The following ERI1 variants were observed in gnomAD, a reference collection of about 807,000 sequenced individuals.
ERI1 encodes exoribonuclease 1.
Under a neutral mutation model 39.7 loss-of-function variants are expected in ERI1, and 39 were observed. The observed-to-expected ratio is 0.98, with a 90% confidence interval of 0.76 to 1.28. The LOEUF is 1.28. Among genes scored for constraint, ERI1 ranks in the 50% most tolerant of loss-of-function variants. ERI1 has a pLI of 0.00. For synonymous variants in ERI1, 204 were observed against 149.6 expected (o/e 1.36, Z -2.65); for missense variants, 581 against 416.9 (o/e 1.39, Z -3.43).
chr8:9,062,561 C>T (rs917980195), intron 3 of ERI1: 3 of 138,702 alleles, frequency 2.2e-5, no homozygotes, highest in South Asian at 2.6e-4. Context: ...GAAACAGGCC[C>T]TTGAAAAGAA....
chr8:9,092,580 G>A (rs1181382138), intron 3 of ERI1, among the ~76,000 whole-genome samples: 4 of 152,102 alleles, frequency 2.6e-5, no homozygotes, highest in African/African-American at 7.2e-5. Context: ...GTTTTCCTTC[G>A]GTCTTTCTCA....
chr8:9,096,965 G>T (rs1350227257), intron 3 of ERI1: 1 of 151,808 alleles, frequency 6.6e-6, no homozygotes, highest in Non-Finnish European at 1.5e-5. Context: ...CCTAAATATT[G>T]CCTTTATGAT....
chr8:9,011,329 T>A (rs928153909), intron 2 of ERI1, among the ~76,000 whole-genome samples: 1 of 152,186 alleles, frequency 6.6e-6, no homozygotes, highest in Admixed American at 6.5e-5. Context: ...AAAAGACTTG[T>A]GAAGGAAAAT....
At chr8:9,045,110 C>T (rs900649325) in intron 3 of ERI1, among the ~76,000 whole-genome samples, 6 of 151,654 alleles carry the variant, frequency 4.0e-5, no homozygotes, top group Admixed American at 1.3e-4. Context: ...GTGGCGGGCA[C>T]CTGTAGTCCC....
chr8:9,043,183 C>T (rs547093890), intron 3 of ERI1, among the ~76,000 whole-genome samples: 1 of 152,280 alleles, frequency 6.6e-6, no homozygotes, highest in Admixed American at 6.5e-5. Context: ...TGATGCAAAC[C>T]ATTTCTGACA....
Position 9,020,163 on chromosome 8 carries a change from CTTT to C in ERI1, c.693-186_693-184del, listed in dbSNP as rs1003524983. Among the ~76,000 whole-genome samples the C allele has an allele frequency of 3.9e-4, 60 of 152,136 alleles. 1 individual carries two copies. The Middle Eastern group carries it at 0.014, about 34-fold the overall frequency. On this transcript the variant is annotated intron_variant, in intron 5 of 6. Transcript: ENST00000250263. ...GAACAAAAGTTAATATATCCGACTT[CTTT>C]GTTTGGTTTTTAAAGCTTAATTTTG...
rs183792198 is a variant in ERI1 at position 9,067,783 on chromosome 8, C to A, written n.299+47319C>A. 2.3e-3 allele frequency among the ~76,000 whole-genome samples: 352 copies of A among 152,080 alleles called. 1 individual carries two copies. Among genetic ancestry groups the A allele is most frequent in the African/African-American group, 8.0e-3 (332 of 41,500 alleles). Reference sequence around the variant, plus strand: ...TATTAACTGAATGATTTCAAGATTACACAGCTAGTCTGAGCAGAACTGGGA... The same window carrying A: ...TATTAACTGAATGATTTCAAGATTAAACAGCTAGTCTGAGCAGAACTGGGA... On this transcript the variant is annotated intron_variant and non_coding_transcript_variant, in intron 3 of 3. Coordinates refer to the ERI1 transcript ENST00000518663.
intron 3 of ERI1, among the ~76,000 whole-genome samples, chr8:9,064,264 G>C (rs1414837026): frequency 6.6e-6 from 1 of 151,386 alleles, no homozygotes; most frequent in African/African-American, 2.4e-5. Flanking sequence ...TTGCCCCCCA[G>C]AAAAGCAGAG....
At chr8:9,052,688 T>C (rs576550768) in intron 3 of ERI1, among the ~76,000 whole-genome samples, 1 of 152,186 alleles carries the variant, frequency 6.6e-6, no homozygotes, top group African/African-American at 2.4e-5. Flanking sequence ...AGAAAACACA[T>C]TTCAGAACTA....
At chr8:9,064,451 C>G (rs978225575) in intron 3 of ERI1, among the ~76,000 whole-genome samples, 12 of 152,138 alleles carry the variant, frequency 7.9e-5, no homozygotes, top group African/African-American at 2.9e-4. Flanking sequence ...GGGAAGGCTG[C>G]CTTCCCTAGT....
chr8:9,075,423 C>G (rs965885583), intron 3 of ERI1, among the ~76,000 whole-genome samples: 5 of 151,288 alleles, frequency 3.3e-5, no homozygotes, highest in Admixed American at 1.3e-4. Flanking sequence ...AAGAACACAG[C>G]TAAAGACATT....
At chr8:9,049,164 C>T (rs1219613037) in intron 3 of ERI1, among the ~76,000 whole-genome samples, 2 of 151,090 alleles carry the variant, frequency 1.3e-5, no homozygotes, top group African/African-American at 4.9e-5. Context: ...GGTGAAACCC[C>T]GTCTCTACTA....
In ERI1 at chr8:9,032,949, T is replaced by A. The variant is rs1411215054; in HGVS notation, c.*2915T>A. On this transcript the variant is annotated 3_prime_UTR_variant, in exon 7 of 7. Transcript: ENST00000250263. ...TAAGCTACCATGGAGAAGTATATGCTCCTCGAGACCAGAGACTGTGACTTC... is the reference window on the plus strand; with the variant it reads ...TAAGCTACCATGGAGAAGTATATGCACCTCGAGACCAGAGACTGTGACTTC... 1.3e-5 allele frequency: 2 copies of A among 152,232 alleles called. No individual in the cohort carries two copies. Among genetic ancestry groups the A allele is most frequent in the African/African-American group, 4.8e-5 (2 of 41,464 alleles). 9.4% of individuals were successfully genotyped at this position (152,232 alleles called of 1,614,324 possible). A position where few individuals can be genotyped will look rare whatever the true frequency, so the allele number is the denominator to read the frequency against.
At chr8:9,098,988 C>T (rs1465100018) in intron 3 of ERI1, among the ~76,000 whole-genome samples, 4 of 152,036 alleles carry the variant, frequency 2.6e-5, no homozygotes, top group Non-Finnish European at 4.4e-5. Flanking sequence ...CGCCCCCCCA[C>T]CACATCCGGC....
At chr8:9,075,819 T>C (rs969250269) in intron 3 of ERI1, among the ~76,000 whole-genome samples, 1 of 152,228 alleles carries the variant, frequency 6.6e-6, no homozygotes, top group African/African-American at 2.4e-5. Context: ...TATTATTTTT[T>C]ATAGAGACAA....
intron 6 of ERI1, among the ~76,000 whole-genome samples, chr8:9,026,452 A>G (rs1382940681): frequency 3.3e-5 from 5 of 152,124 alleles, no homozygotes; most frequent in African/African-American, 7.2e-5. Flanking sequence ...TGACTTATCT[A>G]TATACCTCTT....
chr8:9,039,981 C>T (rs537336278), intron 3 of ERI1, among the ~76,000 whole-genome samples: 2 of 152,192 alleles, frequency 1.3e-5, no homozygotes, highest in South Asian at 2.1e-4. Context: ...ATTCCAAGTA[C>T]AATTAAAATA....
intron 6 of ERI1, among the ~76,000 whole-genome samples, chr8:9,025,857 T>C (rs1455073256): frequency 2.6e-5 from 4 of 152,126 alleles, no homozygotes; most frequent in Non-Finnish European, 5.9e-5. Context: ...ACCTTAGAGA[T>C]AGGACCCAAC....
At chr8:9,093,797 G>C (rs1350710696) in intron 3 of ERI1, among the ~76,000 whole-genome samples, 1 of 152,014 alleles carries the variant, frequency 6.6e-6, no homozygotes, top group Non-Finnish European at 1.5e-5. Context: ...GGCTGGTCTC[G>C]AACTCCTGAC....
Sources: allele counts gnomAD v4.1 joint callset (sites outside exome capture counted in the v4.1 genomes callset), GRCh38; gene constraint gnomAD v4.1.1; transcripts MANE v1.5; gene names NCBI Gene and HGNC (gene_info 2026-07-23, HGNC 2026-07-21).